The following LRRC61 variants were observed in gnomAD, a reference collection of about 807,000 sequenced individuals.
LRRC61 encodes leucine rich repeat containing 61.
LRRC61 carries 9 observed loss-of-function variants against 15.1 expected under a neutral mutation model. The ratio of observed to expected loss-of-function variants is 0.60; its 90% CI spans 0.36 to 1.04. The LOEUF (loss-of-function observed/expected upper bound fraction) is 1.04, where lower values mean the gene tolerates loss of function less well. Among genes scored for constraint, LRRC61 ranks in the 50% least tolerant of loss-of-function variants. The pLI is 0.01. For synonymous variants in LRRC61, 173 were observed against 158.6 expected, an observed-to-expected ratio of 1.09 and a Z score of -0.68; for missense variants, 344 against 335.6, an observed-to-expected ratio of 1.03 and a Z score of -0.20.
intron 2 of LRRC61, among the ~76,000 whole-genome samples, chr7:150,329,142 C>A (rs1214720664): frequency 6.6e-6 from 1 of 152,186 alleles, no homozygotes; most frequent in Non-Finnish European, 1.5e-5. Flanking sequence ...TGAGGTAGTT[C>A]AATAGGCTGG....
In LRRC61 at chr7:150,330,268, T is replaced by C; in HGVS notation, c.-145+4258T>C. The stretch of plus-strand genomic sequence containing the variant: ...CACTGGGTCTCGGCCTACCACCTGC[T>C]GGAGTGGCTGGTGGAGCAGCAGCAG... On this transcript the variant is annotated intron_variant, in intron 2 of 2. Transcript: ENST00000359623. The surrounding 1 kb of genome is among the most constrained non-coding windows in gnomAD (Gnocchi z 4.6). The C allele has an allele frequency of 1.5e-6, 1 of 645,396 alleles. No homozygotes were observed. Among genetic ancestry groups the C allele is most frequent in the Non-Finnish European group, 2.8e-6 (1 of 360,204 alleles). The allele number at this position is 645,396 out of a possible 1,614,324, so 40.0% of individuals were successfully genotyped here.
intron 2 of LRRC61, chr7:150,328,848 G>A (rs1010516503): frequency 3.3e-5 from 5 of 152,214 alleles, no homozygotes; most frequent in Admixed American, 3.3e-4. Context: ...CGTCTTTTAC[G>A]AATACACACG....
chr7:150,310,735 C>T, the LRRC61 span, among the ~76,000 whole-genome samples: 1 of 152,186 alleles, frequency 6.6e-6, no homozygotes, highest in Non-Finnish European at 1.5e-5. Flanking sequence ...ACAGCCCACA[C>T]TACTTTGGTC....
chr7:150,323,767 G>C (rs1030566227), intron 1 of LRRC61: 5 of 447,788 alleles, frequency 1.1e-5, no homozygotes, highest in Non-Finnish European at 2.2e-5. Flanking sequence ...TAATTAACTC[G>C]TTTAACACTA....
the LRRC61 span, among the ~76,000 whole-genome samples, chr7:150,313,954 A>C: frequency 6.6e-6 from 1 of 152,222 alleles, no homozygotes; most frequent in African/African-American, 2.4e-5. Context: ...GGTAAGTGTT[A>C]GTGGCAGAAA....
chr7:150,324,542 T>A (rs1797874860), intron 1 of LRRC61: 1 of 152,268 alleles, frequency 6.6e-6, no homozygotes, highest in South Asian at 2.1e-4. Context: ...CGGCTCCCCG[T>A]GAGCAATCAA....
intron 2 of LRRC61, among the ~76,000 whole-genome samples, chr7:150,329,305 AAAC>A (rs942319532): frequency 1.8e-4 from 27 of 152,382 alleles, no homozygotes; most frequent in African/African-American, 6.0e-4. Context: ...ACAACAGCAC[AAAC>A]AACATTAAGG....
Position 150,333,488 on chromosome 7 carries a change from G to A in LRRC61, c.-144-3230G>A, listed in dbSNP as rs1798178566. ...GGAAGCCCTCTTCTAGAGCGTTAGA[G>A]CCTCCAGTCCACCCGAGGCTGCTCT... is the stretch of plus-strand genomic sequence containing the variant. On this transcript the variant is annotated intron_variant, in intron 2 of 2. Coordinates refer to ENST00000359623, the MANE Select transcript of LRRC61 (RefSeq NM_001142928.2). The surrounding 1 kb of genome is among the most constrained non-coding windows in gnomAD (Gnocchi z 4.3). 6.6e-6 allele frequency among the ~76,000 whole-genome samples: 1 copy of A among 152,222 alleles called. No individual in the cohort carries two copies. The highest frequency in any genetic ancestry group is 2.1e-4 in the South Asian group (1 of 4,836).
At chr7:150,325,572 T>A (rs539603667) in intron 1 of LRRC61, among the ~76,000 whole-genome samples, 7 of 152,194 alleles carry the variant, frequency 4.6e-5, no homozygotes, top group Admixed American at 2.0e-4. Flanking sequence ...GCTCAAGCCA[T>A]CTTCCTGCCT....
At chr7:150,329,122 C>G (rs556752875) in intron 2 of LRRC61, among the ~76,000 whole-genome samples, 6 of 152,346 alleles carry the variant, frequency 3.9e-5, no homozygotes, top group Non-Finnish European at 8.8e-5. Context: ...AGCCAAGTCT[C>G]TGGCAAACAT....
At chr7:150,310,495 C>T in the LRRC61 span, among the ~76,000 whole-genome samples, 2 of 152,110 alleles carry the variant, frequency 1.3e-5, no homozygotes, top group Non-Finnish European at 2.9e-5. Flanking sequence ...ACCTTTGCCT[C>T]ATAAATCAAA....
intron 2 of LRRC61, chr7:150,331,156 C>T (rs1359303089): frequency 6.5e-7 from 1 of 1,541,698 alleles, no homozygotes; most frequent in Non-Finnish European, 8.8e-7. Flanking sequence ...CCTTGTAGAG[C>T]AAAACTCTTC....
intron 2 of LRRC61, among the ~76,000 whole-genome samples, chr7:150,334,519 CT>C (rs1403592726): frequency 6.6e-6 from 1 of 152,164 alleles, no homozygotes; most frequent in Non-Finnish European, 1.5e-5. Context: ...TTAGAGAGCT[CT>C]GTATCCCCAG....
rs1007949639 is a variant in LRRC61 at position 150,325,512 on chromosome 7, G to A, written c.-314-329G>A. On this transcript the variant is annotated intron_variant, in intron 1 of 2. Coordinates refer to ENST00000359623, the MANE Select transcript of LRRC61 (RefSeq NM_001142928.2). ...AGACAGGGTCTGGCTCTGTTGCTCA[G>A]GCTGGAATGCAGTGGTGCAATCACG... Among the ~76,000 whole-genome samples the A allele has an allele frequency of 4.6e-5, 7 of 152,172 alleles. No homozygotes were observed. The East Asian group carries it at 1.2e-3, about 25-fold the overall frequency.
chr7:150,328,875 G>A (rs1273010493), intron 2 of LRRC61: 1 of 152,212 alleles, frequency 6.6e-6, no homozygotes, highest in African/African-American at 2.4e-5. Context: ...CTCTGTTGTG[G>A]ATGGTAGGCC....
Position 150,337,923 on chromosome 7 carries a change from G to T in LRRC61, c.*282G>T. On this transcript the variant is annotated 3_prime_UTR_variant, in exon 3 of 3. Transcript: ENST00000359623. Reference sequence around the variant, plus strand: ...GCTCCAGCCTGCAACTTAGTGGAAGGAATTACTTCCTCCTGAGGCTACAGG... The same window carrying T: ...GCTCCAGCCTGCAACTTAGTGGAAGTAATTACTTCCTCCTGAGGCTACAGG... 1 of 525,120 alleles carries T rather than the reference G, an allele frequency of 1.9e-6. No individual in the cohort carries two copies. The allele number at this position is 525,120 out of a possible 1,614,324, so 32.5% of individuals were successfully genotyped here. A position where few individuals can be genotyped will look rare whatever the true frequency, so the allele number is the denominator to read the frequency against.
At position 150,333,249 on chromosome 7, in the gene LRRC61, A is replaced by G. The variant is rs377489714; in HGVS notation, c.-144-3469A>G. Among the ~76,000 whole-genome samples, 1 of 152,214 alleles carries G rather than the reference A, an allele frequency of 6.6e-6. No homozygotes were observed. Among genetic ancestry groups the G allele is most frequent in the South Asian group, 2.1e-4 (1 of 4,828 alleles). ...CACCGAACCAGGGGGCTTGGGCTCT[A>G]GAACCTTCACTTTCATCTAGGCGCA... On this transcript the variant is annotated intron_variant, in intron 2 of 2. Transcript: ENST00000359623. This position sits in a 1 kb window ranked among gnomAD's most constrained non-coding sequence, Gnocchi z 4.3.
chr7:150,315,306 T>C, the LRRC61 span, among the ~76,000 whole-genome samples: 1 of 152,046 alleles, frequency 6.6e-6, no homozygotes, highest in Non-Finnish European at 1.5e-5. Flanking sequence ...TGCTAAAACA[T>C]GATTAAGGTG....
At chr7:150,325,153 A>G (rs73474312) in intron 1 of LRRC61, among the ~76,000 whole-genome samples, 1,841 of 152,226 alleles carry the variant, frequency 0.012, 39 homozygotes, top group African/African-American at 0.043. Context: ...GCTCTCCATC[A>G]TTCCTCCTCT....
Sources: allele counts gnomAD v4.1 joint callset (sites outside exome capture counted in the v4.1 genomes callset), GRCh38; gene constraint gnomAD v4.1.1; non-coding constraint Gnocchi (gnomAD v3.1); transcripts MANE v1.5; gene names NCBI Gene and HGNC (gene_info 2026-07-23, HGNC 2026-07-21).